Variants in PPP3CC observed in about 807,000 individuals in gnomAD.
The protein encoded by PPP3CC is serine/threonine-protein phosphatase 2B catalytic subunit gamma isoform.
Under a neutral mutation model 60.3 loss-of-function variants are expected in PPP3CC, and 35 were observed. The ratio of observed to expected loss-of-function variants is 0.58; its 90% CI spans 0.44 to 0.77. The LOEUF (loss-of-function observed/expected upper bound fraction) is 0.77, where lower values mean the gene tolerates loss of function less well. Among genes scored for constraint, PPP3CC ranks in the 30% least tolerant of loss-of-function variants. The pLI, the probability that PPP3CC is intolerant of heterozygous loss-of-function variation, is 0.00. For missense variants in PPP3CC, 570 were observed against 628.9 expected (o/e 0.91, Z 1.00); for synonymous variants, 206 against 224.3 (o/e 0.92, Z 0.73).
chr8:22,443,510 A>C (rs960840010), intron 1 of PPP3CC, among the ~76,000 whole-genome samples: 1 of 140,452 alleles, frequency 7.1e-6, no homozygotes, highest in African/African-American at 2.8e-5. Context: ...AACAGAGTGA[A>C]ACTCTCTCTA....
intron 3 of PPP3CC, among the ~76,000 whole-genome samples, chr8:22,476,497 C>T (rs1469614903): frequency 6.6e-6 from 1 of 152,180 alleles, no homozygotes; most frequent in Non-Finnish European, 1.5e-5. Context: ...GTCTTGCAGC[C>T]TCACTCCTAA....
At chr8:22,517,657 G>T (rs546008512) in intron 6 of PPP3CC, among the ~76,000 whole-genome samples, 1 of 151,958 alleles carries the variant, frequency 6.6e-6, no homozygotes, top group Non-Finnish European at 1.5e-5. Context: ...GTGATTATTC[G>T]TAATAGTCCG....
intron 1 of PPP3CC, among the ~76,000 whole-genome samples, chr8:22,459,954 C>T (rs1837319024): frequency 1.3e-5 from 2 of 151,978 alleles, no homozygotes; most frequent in South Asian, 2.1e-4. Flanking sequence ...AAGAGGCAAG[C>T]CACAGAATGG....
intron 1 of PPP3CC, among the ~76,000 whole-genome samples, chr8:22,454,086 A>G (rs1043267440): frequency 2.0e-5 from 3 of 152,246 alleles, no homozygotes; most frequent in African/African-American, 7.2e-5. Context: ...CTTTTACTTT[A>G]TAAACTTAAA....
At chr8:22,447,903 G>A (rs1836880433) in intron 1 of PPP3CC, among the ~76,000 whole-genome samples, 1 of 152,170 alleles carries the variant, frequency 6.6e-6, no homozygotes, top group Admixed American at 6.5e-5. Context: ...TATACTGGAT[G>A]GCTGGACAAG....
At chr8:22,525,942 A>G (rs1470063239) in intron 8 of PPP3CC, among the ~76,000 whole-genome samples, 16 of 149,574 alleles carry the variant, frequency 1.1e-4, no homozygotes, top group Non-Finnish European at 2.2e-4. Context: ...GTCTTGGCTC[A>G]CTACAACCTC....
chr8:22,442,452 AAAGGTG>A (rs1192521017), intron 1 of PPP3CC, among the ~76,000 whole-genome samples: 1 of 152,232 alleles, frequency 6.6e-6, no homozygotes, highest in African/African-American at 2.4e-5. Context: ...TACATTTTTA[AAAGGTG>A]AAACGCCTTA....
In PPP3CC at chr8:22,528,494, TG is replaced by T. The variant is rs1281100035; in HGVS notation, c.1070-11del. ...TAATCGCGTAAATTTTGGATTATTT[TG>T]TCTTACTTAGTCACAGAGATGCTGG... On this transcript the variant is annotated splice_polypyrimidine_tract_variant and intron_variant, in intron 9 of 13. Coordinates refer to ENST00000240139, the MANE Select transcript of PPP3CC (RefSeq NM_005605.5). 1 of 1,502,592 alleles carries T rather than the reference TG, an allele frequency of 6.7e-7. No individual in the cohort carries two copies. Among genetic ancestry groups the T allele is most frequent in the Admixed American group, 2.0e-5 (1 of 50,858 alleles). 93.1% of individuals were successfully genotyped at this position (1,502,592 alleles called of 1,614,324 possible). A position where few individuals can be genotyped will look rare whatever the true frequency, so the allele number is the denominator to read the frequency against.
At chr8:22,528,696 A>G (rs1210865031) in intron 10 of PPP3CC, 119 bp downstream of exon 10, 1 of 776,356 alleles carries the variant, frequency 1.3e-6, no homozygotes, top group Non-Finnish European at 1.9e-6. Flanking sequence ...TTCATTGTAG[A>G]AAAATAAAAT....
rs111573573 is a variant in PPP3CC at position 22,483,513 on chromosome 8, C to G, written c.372+7889C>G. 4.6e-5 allele frequency among the ~76,000 whole-genome samples: 7 copies of G among 152,288 alleles called. 3 individuals are homozygous for G. The highest frequency in any genetic ancestry group is 1.7e-4 in the African/African-American group (7 of 41,564). On this transcript the variant is annotated intron_variant, in intron 3 of 13. Coordinates refer to ENST00000240139, the MANE Select transcript of PPP3CC (RefSeq NM_005605.5). ...GTGTTAGCCAGGATGGTCACGATCTCCTGACCTTGTGATCTGCCTGCCTGG... is the reference window on the plus strand; with the variant it reads ...GTGTTAGCCAGGATGGTCACGATCTGCTGACCTTGTGATCTGCCTGCCTGG...
At chr8:22,484,904 A>G (rs1838178652) in intron 3 of PPP3CC, among the ~76,000 whole-genome samples, 1 of 152,194 alleles carries the variant, frequency 6.6e-6, no homozygotes, top group Admixed American at 6.5e-5. Flanking sequence ...GGGAGGGGAA[A>G]GCTCTAGAGA....
At chr8:22,501,734 G>C (rs1838768154) in intron 4 of PPP3CC, among the ~76,000 whole-genome samples, 3 of 152,172 alleles carry the variant, frequency 2.0e-5, no homozygotes. Flanking sequence ...CCTTAGGTCA[G>C]GCATGGTGGC....
At chr8:22,497,283 C>T (rs1838618753) in intron 3 of PPP3CC, among the ~76,000 whole-genome samples, 1 of 152,032 alleles carries the variant, frequency 6.6e-6, no homozygotes, top group African/African-American at 2.4e-5. Context: ...CCCGCCTTGG[C>T]CTCCCAAAGT....
At chr8:22,474,626 C>T (rs1837831639) in intron 1 of PPP3CC, among the ~76,000 whole-genome samples, 1 of 152,140 alleles carries the variant, frequency 6.6e-6, no homozygotes, top group Non-Finnish European at 1.5e-5. Flanking sequence ...ATCGCTTGAA[C>T]TCAGGAGGCG....
At chr8:22,444,588 C>T (rs1477914458) in intron 1 of PPP3CC, among the ~76,000 whole-genome samples, 1 of 152,140 alleles carries the variant, frequency 6.6e-6, no homozygotes, top group Non-Finnish European at 1.5e-5. Context: ...GTCTGGTACT[C>T]CCTAGGCAGC....
rs149646742 is a variant in PPP3CC, at chr8:22,481,756, A to C, written c.372+6132A>C. On this transcript the variant is annotated intron_variant, in intron 3 of 13. Transcript: ENST00000240139. Reference sequence around the variant, plus strand: ...CCCCTCCCTGTGTTCTCATTGTTCAACTCCCACTTATGAGTGAGAACATGT... The same window carrying C: ...CCCCTCCCTGTGTTCTCATTGTTCACCTCCCACTTATGAGTGAGAACATGT... Among the ~76,000 whole-genome samples the C allele has an allele frequency of 1.9e-4, 28 of 151,270 alleles. 1 individual carries two copies. Among genetic ancestry groups the C allele is most frequent in the Admixed American group, 1.7e-3 (26 of 15,192 alleles).
chr8:22,491,878 C>T (rs1174577206), intron 3 of PPP3CC, among the ~76,000 whole-genome samples: 3 of 152,108 alleles, frequency 2.0e-5, no homozygotes, highest in Admixed American at 1.3e-4. Context: ...TTGGAAAGAA[C>T]GTATATTCTC....
chr8:22,501,183 A>T (rs1036449831), intron 4 of PPP3CC, among the ~76,000 whole-genome samples: 1 of 152,032 alleles, frequency 6.6e-6, no homozygotes, highest in African/African-American at 2.4e-5. Context: ...ACAACAACAA[A>T]GATGTGAGGT....
intron 12 of PPP3CC, among the ~76,000 whole-genome samples, chr8:22,535,472 A>T: frequency 6.8e-6 from 1 of 147,818 alleles, no homozygotes; most frequent in Admixed American, 6.7e-5. Flanking sequence ...TTTTTTTCCC[A>T]CCTCATCGTT....
Sources: gnomAD v4.1 joint callset for allele counts (sites outside exome capture counted in the v4.1 genomes callset) on GRCh38, gnomAD v4.1.1 for gene constraint, MANE v1.5 for transcripts, NCBI Gene and HGNC (gene_info 2026-07-23, HGNC 2026-07-21) for gene names.